ALG12: variants seen among roughly 807,000 people sequenced by gnomAD.
ALG12 encodes the protein ALG12 alpha-1,6-mannosyltransferase, also known as dol-P-Man:Man(7)GlcNAc(2)-PP-Dol alpha-1,6-mannosyltransferase.
A neutral mutation model predicts 46.0 loss-of-function variants in ALG12; 36 were observed. The ratio of observed to expected loss-of-function variants is 0.78; its 90% CI spans 0.60 to 1.03. ALG12 has a LOEUF of 1.03. Ranked by LOEUF, ALG12 falls within the 50% of genes least tolerant of loss-of-function variation. The pLI is 0.00. For synonymous variants in ALG12, 326 were observed against 291.6 expected (o/e 1.12, Z -1.20); for missense variants, 599 against 633.5 (o/e 0.95, Z 0.58).
At chr22:49,862,185 T>A in the ALG12 span, among the ~76,000 whole-genome samples, 1 of 152,228 alleles carries the variant, frequency 6.6e-6, no homozygotes, top group Non-Finnish European at 1.5e-5. Flanking sequence ...TGTTAGTAAG[T>A]CCCCGAGGGC....
chr22:49,903,810 G>C lies in ALG12; in HGVS notation c.*28C>G. The stretch of plus-strand genomic sequence containing the variant: ...AGTGATAACAGCTCCTGGAAGGCCT[G>C]TGGCTGCTGAGGGCTGCCTGGTCCC... On this transcript the variant is annotated 3_prime_UTR_variant, in exon 10 of 10. Coordinates refer to ENST00000330817, the MANE Select transcript of ALG12 (RefSeq NM_024105.4). 3 of 1,610,566 alleles carry C rather than the reference G, an allele frequency of 1.9e-6. No homozygotes were observed. The highest frequency in any genetic ancestry group is 2.5e-6 in the Non-Finnish European group (3 of 1,176,798).
chr22:49,900,086 C>A, downstream of ALG12: 1 of 152,318 alleles, frequency 6.6e-6, no homozygotes, highest in Non-Finnish European at 1.5e-5. Flanking sequence ...AAGGCTTAAG[C>A]CCAGGAGATG....
the ALG12 span, among the ~76,000 whole-genome samples, chr22:49,862,874 G>A: frequency 6.6e-6 from 1 of 151,740 alleles, no homozygotes; most frequent in Non-Finnish European, 1.5e-5. Context: ...GCTAATTTTT[G>A]TAGTTTTAGT....
chr22:49,914,273 C>T (rs1240844800), intron 1 of ALG12, among the ~76,000 whole-genome samples: 2 of 152,224 alleles, frequency 1.3e-5, no homozygotes, highest in African/African-American at 2.4e-5. Flanking sequence ...AGGCACCAAG[C>T]TGGAGAGTGG....
At chr22:49,885,068 C>T in the ALG12 span, 1 of 1,612,508 alleles carries the variant, frequency 6.2e-7, no homozygotes, top group Non-Finnish European at 8.5e-7. Flanking sequence ...TCCCTGGCCC[C>T]CATGGACAGC....
At chr22:49,859,646 G>A in the ALG12 span, among the ~76,000 whole-genome samples, 2 of 152,114 alleles carry the variant, frequency 1.3e-5, no homozygotes, top group East Asian at 1.9e-4. Context: ...CCCTGTTCGC[G>A]GACACAGCTA....
the ALG12 span, among the ~76,000 whole-genome samples, chr22:49,881,476 T>C: frequency 6.6e-6 from 1 of 152,158 alleles, no homozygotes; most frequent in Non-Finnish European, 1.5e-5. Context: ...GCCTCAAACT[T>C]TTGGGTTCAA....
chr22:49,917,234 C>T (rs9616207), intron 1 of ALG12, among the ~76,000 whole-genome samples: 34,859 of 152,058 alleles, frequency 0.23, 4,388 homozygotes, highest in African/African-American at 0.34. Flanking sequence ...ACGGGTGCTT[C>T]GAGAGCACCC....
Position 49,901,114 on chromosome 22 carries a change from A to T in ALG12, c.*2724T>A, listed in dbSNP as rs1317924468. 1 of 152,276 alleles carries T rather than the reference A, an allele frequency of 6.6e-6. No individual in the cohort carries two copies. The highest frequency in any genetic ancestry group is 1.5e-5 in the Non-Finnish European group (1 of 68,050). 9.4% of individuals were successfully genotyped at this position (152,276 alleles called of 1,614,324 possible). A position where few individuals can be genotyped will look rare whatever the true frequency, so the allele number is the denominator to read the frequency against. The stretch of plus-strand genomic sequence containing the variant: ...TTTGAACACCAGGATAATTAAAGAC[A>T]GGAGTGACTCACAGACCACTGAAGT... On this transcript the variant is annotated 3_prime_UTR_variant, in exon 10 of 10. Coordinates refer to ENST00000330817, the MANE Select transcript of ALG12 (RefSeq NM_024105.4).
rs961485117 is a variant in ALG12 at position 49,910,352 on chromosome 22, A to G, written c.469+82T>C. On this transcript the variant is annotated intron_variant, in intron 4 of 9. Transcript: ENST00000330817. ...GGGGAATGGCCATTACGGGGGAGGC[A>G]CTGCCATCAGCTGCACAGCCCGACT... The G allele has an allele frequency of 3.3e-6, 5 of 1,530,964 alleles. No individual in the cohort carries two copies. The Admixed American group carries it at 9.6e-5, about 29-fold the overall frequency. The allele number at this position is 1,530,964 out of a possible 1,614,324, so 94.8% of individuals were successfully genotyped here. A position where few individuals can be genotyped will look rare whatever the true frequency, so the allele number is the denominator to read the frequency against.
the ALG12 span, among the ~76,000 whole-genome samples, chr22:49,871,769 T>TATTTA: frequency 2.7e-4 from 41 of 149,334 alleles, no homozygotes; most frequent in Non-Finnish European, 4.0e-4. Flanking sequence ...TTTTTTTTTT[T>TATTTA]TTTGAGACAG....
chr22:49,882,238 C>T, the ALG12 span, among the ~76,000 whole-genome samples: 3 of 152,198 alleles, frequency 2.0e-5, no homozygotes, highest in East Asian at 5.8e-4. Context: ...CACTTTCTGG[C>T]ATGCCCAGTA....
chr22:49,865,453 C>G, the ALG12 span, among the ~76,000 whole-genome samples: 2 of 151,408 alleles, frequency 1.3e-5, no homozygotes, highest in East Asian at 3.9e-4. Context: ...GTTCGAGACC[C>G]GCCTGGCCAA....
chr22:49,883,436 G>A, the ALG12 span: 1 of 487,958 alleles, frequency 2.0e-6, no homozygotes, highest in Non-Finnish European at 3.4e-6. Context: ...TCTACACCAT[G>A]AGTGTTTAGT....
At chr22:49,881,231 C>T in the ALG12 span, among the ~76,000 whole-genome samples, 2 of 152,212 alleles carry the variant, frequency 1.3e-5, no homozygotes, top group South Asian at 4.1e-4. Context: ...CGCCTGTAAT[C>T]CCAGCTACTT....
At position 49,910,588 on chromosome 22, in the gene ALG12, G is replaced by A. The variant is rs755557543; in HGVS notation, c.315C>T (p.Leu105=). Residue 105 remains leucine (L), a synonymous_variant, in exon 4 of 10, where the codon CTC becomes CTT. Transcript: ENST00000330817. ...SQLIVRGVLG[L]GVIFGLWTLQ... Reference sequence around the variant, plus strand: ...ACGTCCAGAGTCCAAAAATCACGCCGAGTCCAAGCACTCCTCTAACTAAAC... The same window carrying A: ...ACGTCCAGAGTCCAAAAATCACGCCAAGTCCAAGCACTCCTCTAACTAAAC... 2.9e-5 allele frequency: 47 copies of A among 1,613,990 alleles called. No homozygotes were observed. The highest frequency in any genetic ancestry group is 1.8e-4 in the East Asian group (8 of 44,904).
At chr22:49,914,134 G>A (rs2060597095) in intron 1 of ALG12, among the ~76,000 whole-genome samples, 1 of 152,220 alleles carries the variant, frequency 6.6e-6, no homozygotes, top group Admixed American at 6.5e-5. Flanking sequence ...GGCAATGGAG[G>A]GTGGTAAATG....
chr22:49,862,228 G>A, the ALG12 span, among the ~76,000 whole-genome samples: 1 of 152,126 alleles, frequency 6.6e-6, no homozygotes. Flanking sequence ...TATACGGAGC[G>A]GCCCCAACGC....
downstream of ALG12, among the ~76,000 whole-genome samples, chr22:49,895,409 T>C (rs996710476): frequency 6.6e-6 from 1 of 152,048 alleles, no homozygotes; most frequent in Non-Finnish European, 1.5e-5. Context: ...CCCAGCACTT[T>C]GGGAGGCCGA....
Sources: allele counts gnomAD v4.1 joint callset (sites outside exome capture counted in the v4.1 genomes callset), GRCh38; gene constraint gnomAD v4.1.1; transcripts MANE v1.5; gene names NCBI Gene and HGNC (gene_info 2026-07-23, HGNC 2026-07-21).